The following SRPK1 variants were observed in gnomAD, a reference collection of about 807,000 sequenced individuals.
The protein encoded by SRPK1 is SRSF protein kinase 1, also known as SFRS protein kinase 1.
SRPK1 carries 52 observed loss-of-function variants against 89.5 expected under a neutral mutation model. The observed-to-expected ratio is 0.58, with a 90% CI of 0.46 to 0.73. The LOEUF is 0.73. Ranked by LOEUF, SRPK1 falls within the 30% of genes least tolerant of loss-of-function variation. The probability of loss-of-function intolerance (pLI) is 0.00; values close to 1 mark genes in which losing one functional copy is unlikely to be tolerated. For missense variants in SRPK1, 603 were observed against 780.6 expected, an observed-to-expected ratio of 0.77 and a Z score of 2.71; for synonymous variants, 255 against 270.2, an observed-to-expected ratio of 0.94 and a Z score of 0.55.
intron 13 of SRPK1, 93 bp from the exon 14 acceptor site, chr6:35,842,697 T>C (rs1769336928): frequency 3.8e-6 from 3 of 783,832 alleles, no homozygotes; most frequent in East Asian, 3.0e-5. Flanking sequence ...AAGTAACTCT[T>C]GTTCCCTTGG....
rs1007342868 is a variant in SRPK1, at chr6:35,835,186, A to C, written c.*118T>G. On this transcript the variant is annotated 3_prime_UTR_variant, in exon 16 of 16. Coordinates refer to ENST00000373825, the MANE Select transcript of SRPK1 (RefSeq NM_003137.5). Reference sequence around the variant, plus strand: ...AATGAACATGTTGGATTAAAAAAAAAACAAGATCTAGAAACTCTTGAAGGA... The same window carrying C: ...AATGAACATGTTGGATTAAAAAAAACACAAGATCTAGAAACTCTTGAAGGA... 1.5e-5 allele frequency: 15 copies of C among 972,196 alleles called. No individual in the cohort carries two copies. Among genetic ancestry groups the C allele is most frequent in the Non-Finnish European group, 2.2e-5 (15 of 682,592 alleles). The allele number at this position is 972,196 out of a possible 1,614,324, so 60.2% of individuals were successfully genotyped here.
At chr6:35,867,120 C>A (rs1769922468) in intron 12 of SRPK1, among the ~76,000 whole-genome samples, 1 of 151,960 alleles carries the variant, frequency 6.6e-6, no homozygotes, top group Non-Finnish European at 1.5e-5. Context: ...AATATATCAA[C>A]CTAGCAAAAC....
intron 15 of SRPK1, among the ~76,000 whole-genome samples, chr6:35,837,961 C>G (rs1157994093): frequency 6.6e-6 from 1 of 151,832 alleles, no homozygotes; most frequent in Non-Finnish European, 1.5e-5. Context: ...CTCCGCCTCC[C>G]AGATTCAAGT....
intron 6 of SRPK1, among the ~76,000 whole-genome samples, chr6:35,880,742 A>AAAAAAAAAAAAAAAAAAAAAAAAAAAAG: frequency 3.5e-5 from 1 of 28,176 alleles, no homozygotes; most frequent in Non-Finnish European, 5.6e-5. Context: ...AAAGAAAAAA[A>AAAAAAAAAAAAAAAAAAAAAAAAAAAAG]AAAAAAAAGA....
At chr6:35,903,756 T>C (rs1327764991) in intron 2 of SRPK1, among the ~76,000 whole-genome samples, 1 of 152,200 alleles carries the variant, frequency 6.6e-6, no homozygotes, top group Non-Finnish European at 1.5e-5. Flanking sequence ...CTTCTTGATA[T>C]GCCATCCTAA....
intron 2 of SRPK1, among the ~76,000 whole-genome samples, chr6:35,907,330 T>C (rs1012458618): frequency 6.6e-6 from 1 of 152,200 alleles, no homozygotes; most frequent in Non-Finnish European, 1.5e-5. Context: ...TTAGGGCAAT[T>C]ATACTACCGT....
chr6:35,873,948 TCCCGAGTAGCTTGG>T (rs932622887), intron 7 of SRPK1, among the ~76,000 whole-genome samples: 2 of 151,966 alleles, frequency 1.3e-5, no homozygotes, highest in African/African-American at 4.8e-5. Context: ...TGCCTCAGCC[TCCCGAGTAGCTTGG>T]GACTACAGGT....
At chr6:35,841,564 T>C (rs565862734) in intron 14 of SRPK1, among the ~76,000 whole-genome samples, 69 of 151,042 alleles carry the variant, frequency 4.6e-4, no homozygotes, top group Non-Finnish European at 9.3e-4. Flanking sequence ...CTGAGCGTGA[T>C]GGCTCACGCC....
chr6:35,847,512 A>G (rs969235139), intron 13 of SRPK1, among the ~76,000 whole-genome samples: 1 of 152,128 alleles, frequency 6.6e-6, no homozygotes, highest in Admixed American at 6.6e-5. Context: ...CTGGCCTGAC[A>G]TGATCCTATA....
chr6:35,880,719 C>CAA (rs1364287123), intron 6 of SRPK1, among the ~76,000 whole-genome samples: 2 of 4,094 alleles, frequency 4.9e-4, no homozygotes, highest in African/African-American at 2.8e-3. Context: ...GACTCCATCT[C>CAA]AAAAAAAAAA....
At chr6:35,866,886 C>A (rs1769916382) in intron 12 of SRPK1, among the ~76,000 whole-genome samples, 1 of 152,064 alleles carries the variant, frequency 6.6e-6, no homozygotes. Context: ...GAACTGGATG[C>A]CATTATCTTA....
At chr6:35,884,624 A>T (rs60610125) in intron 6 of SRPK1, among the ~76,000 whole-genome samples, 2,927 of 152,342 alleles carry the variant, frequency 0.019, 88 homozygotes, top group African/African-American at 0.062. Flanking sequence ...ACAGGAAAAA[A>T]TGGCTAAGAA....
In SRPK1 at chr6:35,879,306, G is replaced by A. The variant is rs985866732; in HGVS notation, c.479-4967C>T. Among the ~76,000 whole-genome samples the A allele has an allele frequency of 3.3e-5, 5 of 152,272 alleles. No individual in the cohort carries two copies. In the South Asian group the frequency reaches 6.2e-4, roughly 19 times the overall value. ...TCATGCACGTAATCCCAGCACTTCG[G>A]GAGGCTGAGGCAGGATGACTGCTTG... On this transcript the variant is annotated intron_variant, in intron 6 of 15. Coordinates refer to ENST00000373825, the MANE Select transcript of SRPK1 (RefSeq NM_003137.5).
Position 35,869,902 on chromosome 6 carries a change from C to A in SRPK1, c.992-1G>T. The A allele has an allele frequency of 6.5e-7, 1 of 1,544,480 alleles. No individual in the cohort carries two copies. Among genetic ancestry groups the A allele is most frequent in the Non-Finnish European group, 8.7e-7 (1 of 1,149,550 alleles). The stretch of plus-strand genomic sequence containing the variant: ...TCCTGGCCAATGGTACTTGACTCTT[C>A]TAAGGAACAAACGAACAAAAAAAGA... On this transcript the variant is annotated splice_acceptor_variant, in intron 10 of 15. Coordinates refer to ENST00000373825, the MANE Select transcript of SRPK1 (RefSeq NM_003137.5). LOFTEE classifies it high-confidence loss of function.
intron 6 of SRPK1, among the ~76,000 whole-genome samples, chr6:35,874,856 G>A (rs1561981198): frequency 1.3e-5 from 2 of 152,034 alleles, no homozygotes; most frequent in Non-Finnish European, 2.9e-5. Context: ...TAGGAAACTT[G>A]CTTAATGCTC....
chr6:35,903,498 TGA>T (rs1770789852), intron 2 of SRPK1, among the ~76,000 whole-genome samples: 3 of 148,698 alleles, frequency 2.0e-5, no homozygotes, highest in African/African-American at 7.5e-5. Context: ...GGTGACAGAG[TGA>T]GACTGTCTCC....
At chr6:35,914,137 G>A (rs1461625765) in intron 2 of SRPK1, among the ~76,000 whole-genome samples, 1 of 151,774 alleles carries the variant, frequency 6.6e-6, no homozygotes, top group Non-Finnish European at 1.5e-5. Flanking sequence ...CATGACGCCC[G>A]GCTAATTTTT....
chr6:35,899,941 C>T (rs1184236512), intron 2 of SRPK1, among the ~76,000 whole-genome samples: 5 of 150,780 alleles, frequency 3.3e-5, no homozygotes, highest in Non-Finnish European at 7.4e-5. Flanking sequence ...GCAGAGGTTG[C>T]AGTGAGCTGG....
At chr6:35,870,169 T>C (rs917654052) in intron 10 of SRPK1, 112 bp downstream of exon 10, 41 of 976,202 alleles carry the variant, frequency 4.2e-5, no homozygotes, top group Non-Finnish European at 5.4e-5. Flanking sequence ...CATATTCTTA[T>C]AAAGATACCC....
Sources: allele counts gnomAD v4.1 joint callset (sites outside exome capture counted in the v4.1 genomes callset), GRCh38; gene constraint gnomAD v4.1.1; transcripts MANE v1.5; gene names NCBI Gene and HGNC (gene_info 2026-07-23, HGNC 2026-07-21).